PPP2R5E: variants seen among roughly 807,000 people sequenced by gnomAD.
The protein encoded by PPP2R5E is serine/threonine-protein phosphatase 2A 56 kDa regulatory subunit epsilon isoform.
Under a neutral mutation model 65.3 loss-of-function variants are expected in PPP2R5E, and 4 were observed. The observed-to-expected ratio is 0.06, with a 90% CI of 0.03 to 0.14. PPP2R5E has a LOEUF of 0.14. PPP2R5E is among the 10% of genes least tolerant of loss of function. PPP2R5E has a pLI of 1.00. For missense variants in PPP2R5E, 274 were observed against 556.1 expected (o/e 0.49, Z 5.10); for synonymous variants, 183 against 187.4 (o/e 0.98, Z 0.19).
At chr14:63,493,190 C>G (rs1891366304) in intron 2 of PPP2R5E, among the ~76,000 whole-genome samples, 1 of 151,252 alleles carries the variant, frequency 6.6e-6, no homozygotes, top group Non-Finnish European at 1.5e-5. Flanking sequence ...CCAGATAACT[C>G]TTTTTTGGTT....
At chr14:63,441,452 C>T (rs1353578264) in intron 3 of PPP2R5E, among the ~76,000 whole-genome samples, 2 of 152,206 alleles carry the variant, frequency 1.3e-5, no homozygotes, top group Non-Finnish European at 2.9e-5. Context: ...TTAGTTACTG[C>T]CAGAAATGGG....
At chr14:63,470,225 C>T (rs1890046417) in intron 2 of PPP2R5E, among the ~76,000 whole-genome samples, 1 of 152,234 alleles carries the variant, frequency 6.6e-6, no homozygotes, top group South Asian at 2.1e-4. Flanking sequence ...GCATGCACCA[C>T]CACACCTAGC....
In PPP2R5E at chr14:63,520,717, T is replaced by C. The variant is rs1892865132; in HGVS notation, c.157+18812A>G. Among the ~76,000 whole-genome samples the C allele has an allele frequency of 2.6e-5, 4 of 151,886 alleles. 1 individual carries two copies. The South Asian group carries it at 8.3e-4, about 32-fold the overall frequency. On this transcript the variant is annotated intron_variant, in intron 2 of 13. Coordinates refer to ENST00000337537, the MANE Select transcript of PPP2R5E (RefSeq NM_006246.5). ...CATAGCTGTTTGCTTCATATACATT[T>C]AGAAAAACACATGCGTGGCCAGGTG...
intron 2 of PPP2R5E, among the ~76,000 whole-genome samples, chr14:63,522,668 C>T (rs1273537073): frequency 2.8e-4 from 42 of 150,510 alleles, no homozygotes; most frequent in African/African-American, 9.8e-4. Flanking sequence ...CGTCTCTGCC[C>T]GGCCGCGACC....
At chr14:63,434,786 T>A (rs1459592054) in intron 3 of PPP2R5E, among the ~76,000 whole-genome samples, 1 of 152,248 alleles carries the variant, frequency 6.6e-6, no homozygotes, top group Non-Finnish European at 1.5e-5. Context: ...CTTTGGAGTT[T>A]TTGTTAACTC....
chr14:63,492,307 C>T (rs1891321540), intron 2 of PPP2R5E, among the ~76,000 whole-genome samples: 1 of 152,098 alleles, frequency 6.6e-6, no homozygotes, highest in African/African-American at 2.4e-5. Flanking sequence ...AGACTTACTT[C>T]ATGAGACTTT....
At chr14:63,521,797 C>A (rs936106737) in intron 2 of PPP2R5E, among the ~76,000 whole-genome samples, 1 of 152,204 alleles carries the variant, frequency 6.6e-6, no homozygotes, top group African/African-American at 2.4e-5. Context: ...CTGTTTCAAT[C>A]TGCTTTCCAG....
intron 3 of PPP2R5E, among the ~76,000 whole-genome samples, chr14:63,436,310 A>G (rs1470059479): frequency 6.6e-6 from 1 of 152,216 alleles, no homozygotes; most frequent in Non-Finnish European, 1.5e-5. Context: ...TGAATTGCGA[A>G]TTTTTAAAAA....
intron 3 of PPP2R5E, among the ~76,000 whole-genome samples, chr14:63,448,378 A>G (rs1200087021): frequency 1.3e-5 from 2 of 152,270 alleles, no homozygotes; most frequent in African/African-American, 4.8e-5. Context: ...AGATATAGTA[A>G]CAATGCAAAG....
At chr14:63,401,763 G>A (rs1421313501) in intron 5 of PPP2R5E, among the ~76,000 whole-genome samples, 3 of 152,138 alleles carry the variant, frequency 2.0e-5, no homozygotes, top group African/African-American at 7.2e-5. Context: ...AGATGGAAGT[G>A]GATGACAAGA....
At chr14:63,530,226 GTTTTT>G (rs555112537) in intron 2 of PPP2R5E, among the ~76,000 whole-genome samples, 1 of 99,482 alleles carries the variant, frequency 1.0e-5, no homozygotes, top group Admixed American at 1.2e-4. Context: ...AAATTTTTCC[GTTTTT>G]TTTTTTTTTT....
At chr14:63,420,029 G>A (rs1886915218) in intron 4 of PPP2R5E, among the ~76,000 whole-genome samples, 1 of 152,158 alleles carries the variant, frequency 6.6e-6, no homozygotes, top group South Asian at 2.1e-4. Context: ...TTAAGTATGG[G>A]AAGGATTAAC....
At chr14:63,409,932 C>A (rs1396015027) in intron 5 of PPP2R5E, among the ~76,000 whole-genome samples, 1 of 152,166 alleles carries the variant, frequency 6.6e-6, no homozygotes, top group Non-Finnish European at 1.5e-5. Flanking sequence ...TTTCTTCTGA[C>A]CCCAAAGTTC....
At chr14:63,540,878 G>A (rs775304998) in intron 1 of PPP2R5E, among the ~76,000 whole-genome samples, 2 of 152,164 alleles carry the variant, frequency 1.3e-5, no homozygotes, top group African/African-American at 2.4e-5. Flanking sequence ...TACTCATCTA[G>A]GCTTAAAGAA....
intron 3 of PPP2R5E, among the ~76,000 whole-genome samples, chr14:63,441,068 C>G (rs992541605): frequency 6.6e-6 from 1 of 151,826 alleles, no homozygotes; most frequent in Non-Finnish European, 1.5e-5. Flanking sequence ...TTTACCTTAT[C>G]TACAAAATGG....
At chr14:63,509,757 C>T (rs531793001) in intron 2 of PPP2R5E, among the ~76,000 whole-genome samples, 1 of 152,300 alleles carries the variant, frequency 6.6e-6, no homozygotes, top group African/African-American at 2.4e-5. Context: ...GCCTGAGAAT[C>T]AGCTATGGGA....
At position 63,436,250 on chromosome 14, in the gene PPP2R5E, G is replaced by A. The variant is rs1391002676; in HGVS notation, c.355-14156C>T. On this transcript the variant is annotated intron_variant, in intron 3 of 13. Coordinates refer to ENST00000337537, the MANE Select transcript of PPP2R5E (RefSeq NM_006246.5). Reference sequence around the variant, plus strand: ...CACAAATTCTAAACATCTGCTATGAGGACTTCATGGTTCCAAATCAGCTAA... The same window carrying A: ...CACAAATTCTAAACATCTGCTATGAAGACTTCATGGTTCCAAATCAGCTAA... Among the ~76,000 whole-genome samples the A allele has an allele frequency of 2.6e-5, 4 of 152,148 alleles. No individual in the cohort carries two copies. The South Asian group carries it at 8.3e-4, about 32-fold the overall frequency.
At chr14:63,522,621 C>G (rs982564410) in intron 2 of PPP2R5E, among the ~76,000 whole-genome samples, 1 of 143,976 alleles carries the variant, frequency 6.9e-6, no homozygotes, top group African/African-American at 2.5e-5. Flanking sequence ...TGAGGAGCGC[C>G]TCTACCCGTC....
At chr14:63,428,781 C>A (rs897925181) in intron 3 of PPP2R5E, among the ~76,000 whole-genome samples, 7 of 152,176 alleles carry the variant, frequency 4.6e-5, no homozygotes, top group African/African-American at 1.7e-4. Flanking sequence ...AAACTTACTA[C>A]TTTTTGACTT....
Sources: allele counts gnomAD v4.1 joint callset (sites outside exome capture counted in the v4.1 genomes callset), GRCh38; gene constraint gnomAD v4.1.1; transcripts MANE v1.5; gene names NCBI Gene and HGNC (gene_info 2026-07-23, HGNC 2026-07-21).